Variants in ESRRG observed in about 807,000 individuals in gnomAD.
The protein encoded by ESRRG is estrogen related receptor gamma.
A neutral mutation model predicts 44.0 loss-of-function variants in ESRRG; 13 were observed. That is an observed-to-expected ratio of 0.30 (90% CI 0.19 to 0.47). The LOEUF (loss-of-function observed/expected upper bound fraction) is 0.47. Among genes scored for constraint, ESRRG ranks in the 20% least tolerant of loss-of-function variants. The pLI, the probability that ESRRG is intolerant of heterozygous loss-of-function variation, is 1.00. For missense variants in ESRRG, 395 were observed against 580.6 expected, an observed-to-expected ratio of 0.68 and a Z score of 3.29; for synonymous variants, 215 against 214.6, an observed-to-expected ratio of 1.00 and a Z score of -0.02.
At chr1:216,867,892 TA>T in intron 2 of ESRRG, among the ~76,000 whole-genome samples, 1 of 152,040 alleles carries the variant, frequency 6.6e-6, no homozygotes, top group Non-Finnish European at 1.5e-5. Flanking sequence ...ACAAAACTCC[TA>T]CTAGCAATCC....
At chr1:216,980,941 C>T (rs1243228312) in intron 1 of ESRRG, among the ~76,000 whole-genome samples, 1 of 152,122 alleles carries the variant, frequency 6.6e-6, no homozygotes, top group Non-Finnish European at 1.5e-5. Context: ...CATTTCCCAC[C>T]TTATCCATAG....
intron 1 of ESRRG, chr1:216,714,640 A>T: frequency 5.9e-6 from 4 of 676,464 alleles, no homozygotes; most frequent in Non-Finnish European, 7.3e-6. Flanking sequence ...GTTCACTATA[A>T]GAAAATAAAG....
At chr1:216,797,445 A>G (rs1434336101) in intron 2 of ESRRG, among the ~76,000 whole-genome samples, 1 of 152,120 alleles carries the variant, frequency 6.6e-6, no homozygotes, top group Non-Finnish European at 1.5e-5. Flanking sequence ...CTGCAGTACC[A>G]GGAGTTAGTT....
chr1:216,847,775 A>AG (rs1258417695), intron 2 of ESRRG, among the ~76,000 whole-genome samples: 3 of 152,120 alleles, frequency 2.0e-5, no homozygotes, highest in Non-Finnish European at 4.4e-5. Flanking sequence ...TGCTGAGCTG[A>AG]GGGGTCCATG....
At chr1:216,512,388 T>G (rs907679232) in intron 6 of ESRRG, among the ~76,000 whole-genome samples, 28 of 152,208 alleles carry the variant, frequency 1.8e-4, no homozygotes, top group African/African-American at 6.8e-4. Context: ...CCCTGGCATC[T>G]TCAACTAATA....
chr1:217,049,299 C>T (rs2151214302), intron 1 of ESRRG, among the ~76,000 whole-genome samples: 1 of 152,194 alleles, frequency 6.6e-6, no homozygotes. Context: ...TGTGAATCTC[C>T]AAGAAGGAGA....
At chr1:216,826,973 G>A (rs1423824099) in intron 2 of ESRRG, among the ~76,000 whole-genome samples, 1 of 152,086 alleles carries the variant, frequency 6.6e-6, no homozygotes, top group African/African-American at 2.4e-5. Context: ...ATGAGCAGGG[G>A]GGTGATCCCT....
chr1:216,688,190 C>G (rs921066887), intron 1 of ESRRG, among the ~76,000 whole-genome samples: 2 of 152,112 alleles, frequency 1.3e-5, no homozygotes, highest in Non-Finnish European at 2.9e-5. Flanking sequence ...GCCTGCTTTT[C>G]TAAATATGAC....
chr1:217,053,469 GA>G lies in ESRRG; in HGVS notation c.-106+36037del, dbSNP rs1388018329. ...GATTCTGTCCCAAAGCCAAAAAAAA[GA>G]AAGAAAGAAAGAAAGAAAGAAAGAA... On this transcript the variant is annotated intron_variant, in intron 1 of 7. Transcript: ENST00000359162. 1.1e-4 allele frequency among the ~76,000 whole-genome samples: 5 copies of G among 43,980 alleles called. No homozygotes were observed. In the East Asian group the frequency reaches 9.9e-3, roughly 87 times the overall value. The allele number at this position is 43,980 out of a possible 152,430, so 28.9% of individuals were successfully genotyped here. A position where few individuals can be genotyped will look rare whatever the true frequency, so the allele number is the denominator to read the frequency against.
chr1:216,540,830 T>C lies in ESRRG; in HGVS notation c.863-21409A>G, dbSNP rs956373458. ...TCTTTAGATAGAATCATTCCTGTTG[T>C]GCTTGATTAGTATTTTTCACTACTT... On this transcript the variant is annotated intron_variant, in intron 5 of 6. Transcript: ENST00000408911. Among the ~76,000 whole-genome samples the C allele has an allele frequency of 4.7e-4, 71 of 152,182 alleles. 1 individual carries two copies. Among genetic ancestry groups the C allele is most frequent in the African/African-American group, 1.6e-3 (67 of 41,574 alleles).
At chr1:217,019,031 T>C (rs1383118693) in intron 1 of ESRRG, among the ~76,000 whole-genome samples, 1 of 152,188 alleles carries the variant, frequency 6.6e-6, no homozygotes, top group African/African-American at 2.4e-5. Context: ...AAACTACAGA[T>C]GTTCAAGGTA....
chr1:216,883,398 A>G (rs200983014), intron 2 of ESRRG, among the ~76,000 whole-genome samples: 23,426 of 138,524 alleles, frequency 0.17, 2,838 homozygotes, highest in African/African-American at 0.39. Flanking sequence ...AAAAAAAAAA[A>G]AAAAAAAAAA....
intron 2 of ESRRG, among the ~76,000 whole-genome samples, chr1:216,668,529 A>G (rs1055364654): frequency 6.6e-6 from 1 of 152,238 alleles, no homozygotes; most frequent in Non-Finnish European, 1.5e-5. Flanking sequence ...AAGGACAAAA[A>G]TCTAGTGAGG....
intron 1 of ESRRG, among the ~76,000 whole-genome samples, chr1:216,714,350 A>T (rs1042411982): frequency 1.3e-5 from 2 of 152,180 alleles, no homozygotes; most frequent in African/African-American, 4.8e-5. Context: ...TAGAAACAGA[A>T]ATTGTAAAGG....
At chr1:217,080,917 T>G (rs71643441) in intron 1 of ESRRG, among the ~76,000 whole-genome samples, 1 of 151,936 alleles carries the variant, frequency 6.6e-6, no homozygotes, top group East Asian at 1.9e-4. Context: ...GACCTCGTGA[T>G]CCGCCCGCCT....
At chr1:216,743,199 G>A (rs573616376) in intron 2 of ESRRG, among the ~76,000 whole-genome samples, 94 of 152,236 alleles carry the variant, frequency 6.2e-4, no homozygotes, top group Middle Eastern at 3.4e-3. Context: ...TTCAACAATA[G>A]CATACAATGG....
chr1:216,560,745 A>G (rs2058564983), intron 5 of ESRRG, among the ~76,000 whole-genome samples: 1 of 151,918 alleles, frequency 6.6e-6, no homozygotes, highest in Non-Finnish European at 1.5e-5. Context: ...AGTGTGCAGT[A>G]CCTCCGTATC....
At chr1:216,919,739 C>A (rs1482478154) in intron 2 of ESRRG, among the ~76,000 whole-genome samples, 1 of 152,122 alleles carries the variant, frequency 6.6e-6, no homozygotes, top group Non-Finnish European at 1.5e-5. Flanking sequence ...ACAGACCTGA[C>A]CCGGGTGTTA....
chr1:216,657,486 G>A (rs945723767), intron 2 of ESRRG, among the ~76,000 whole-genome samples: 1 of 151,996 alleles, frequency 6.6e-6, no homozygotes, highest in Non-Finnish European at 1.5e-5. Context: ...CAAACGTATT[G>A]CCCTTTGCAT....
Sources: allele counts gnomAD v4.1 joint callset (sites outside exome capture counted in the v4.1 genomes callset), GRCh38; gene constraint gnomAD v4.1.1; transcripts MANE v1.5; gene names NCBI Gene and HGNC (gene_info 2026-07-23, HGNC 2026-07-21).